Variants in ELOVL2 observed in about 807,000 individuals in gnomAD.
ELOVL2 encodes very long chain fatty acid elongase 2.
A neutral mutation model predicts 37.7 loss-of-function variants in ELOVL2; 38 were observed. The ratio of observed to expected loss-of-function variants is 1.01; its 90% CI spans 0.78 to 1.32. The LOEUF is 1.32. ELOVL2 is among the 40% of genes most tolerant of loss of function. The pLI, the probability that ELOVL2 is intolerant of heterozygous loss-of-function variation, is 0.00. For missense variants in ELOVL2, 352 were observed against 363.6 expected (o/e 0.97, Z 0.26); for synonymous variants, 115 against 122.3 (o/e 0.94, Z 0.40).
chr6:11,001,682 C>T (rs1191100779), intron 3 of ELOVL2, among the ~76,000 whole-genome samples: 1 of 152,128 alleles, frequency 6.6e-6, no homozygotes, highest in Non-Finnish European at 1.5e-5. Context: ...TAGATTTATC[C>T]GGGCTGTCCC....
intron 1 of ELOVL2, among the ~76,000 whole-genome samples, chr6:11,032,882 A>T (rs1461153855): frequency 6.6e-6 from 1 of 152,200 alleles, no homozygotes; most frequent in Non-Finnish European, 1.5e-5. Flanking sequence ...ATACTAACAT[A>T]TGGTATTCTA....
intron 1 of ELOVL2, among the ~76,000 whole-genome samples, chr6:11,033,061 TC>T (rs1302888978): frequency 6.6e-6 from 1 of 152,132 alleles, no homozygotes; most frequent in African/African-American, 2.4e-5. Flanking sequence ...CTTCGACCAG[TC>T]CCTTACACAG....
chr6:11,026,851 TAC>T (rs1251924843), intron 1 of ELOVL2, among the ~76,000 whole-genome samples: 1 of 148,698 alleles, frequency 6.7e-6, no homozygotes, highest in Non-Finnish European at 1.5e-5. Flanking sequence ...TAACTATCCT[TAC>T]ATAGAGATTT....
chr6:11,017,185 G>C (rs1782696870), intron 1 of ELOVL2, among the ~76,000 whole-genome samples: 1 of 152,102 alleles, frequency 6.6e-6, no homozygotes, highest in Non-Finnish European at 1.5e-5. Flanking sequence ...AGTAATACTG[G>C]TTACTGTTTA....
intron 3 of ELOVL2, among the ~76,000 whole-genome samples, chr6:11,004,679 A>G (rs930470659): frequency 1.3e-5 from 2 of 152,094 alleles, no homozygotes; most frequent in African/African-American, 4.8e-5. Context: ...AGTCAAACTA[A>G]CTGCATATGA....
At chr6:11,033,214 G>A (rs1782959524) in intron 1 of ELOVL2, among the ~76,000 whole-genome samples, 1 of 152,116 alleles carries the variant, frequency 6.6e-6, no homozygotes, top group Non-Finnish European at 1.5e-5. Flanking sequence ...CTATTTAAGT[G>A]TATTAAGTCT....
At chr6:10,993,278 G>A (rs1292827380) in intron 5 of ELOVL2, among the ~76,000 whole-genome samples, 2 of 152,092 alleles carry the variant, frequency 1.3e-5, no homozygotes, top group East Asian at 1.9e-4. Context: ...TAACAGACAC[G>A]GCTTTTAAAA....
Position 10,987,809 on chromosome 6 carries a change from C to T in ELOVL2, c.765+1894G>A, listed in dbSNP as rs199665313. 2.6e-5 allele frequency among the ~76,000 whole-genome samples: 4 copies of T among 151,804 alleles called. No individual in the cohort carries two copies. The East Asian group carries it at 7.7e-4, about 29-fold the overall frequency. ...TGCTGTTATTTTAAAATACCAATAC[C>T]TGGGATTCTGGCTTGATCTAGTTTT... On this transcript the variant is annotated intron_variant, in intron 7 of 7. Transcript: ENST00000354666.
chr6:10,984,110 C>T lies in ELOVL2; in HGVS notation c.766-204G>A, dbSNP rs574832921. ...CCCGTTCACTGCGACCTCCGCCTCCCGGGTTCAAGTGATTCTCCTGCCTCA... is the reference window on the plus strand; with the variant it reads ...CCCGTTCACTGCGACCTCCGCCTCCTGGGTTCAAGTGATTCTCCTGCCTCA... On this transcript the variant is annotated intron_variant, in intron 7 of 7. Coordinates refer to ENST00000354666, the MANE Select transcript of ELOVL2 (RefSeq NM_017770.4). Among the ~76,000 whole-genome samples, 13 of 152,244 alleles carry T rather than the reference C, an allele frequency of 8.5e-5. No homozygotes were observed. The East Asian group carries it at 1.7e-3, about 20-fold the overall frequency.
intron 1 of ELOVL2, among the ~76,000 whole-genome samples, chr6:11,012,511 T>G (rs1178791381): frequency 6.6e-6 from 1 of 152,250 alleles, no homozygotes; most frequent in African/African-American, 2.4e-5. Flanking sequence ...GAAGTCTTTC[T>G]TCCATTGCTG....
At chr6:11,040,194 C>G (rs955183486) in intron 1 of ELOVL2, among the ~76,000 whole-genome samples, 2 of 152,056 alleles carry the variant, frequency 1.3e-5, no homozygotes, top group African/African-American at 2.4e-5. Flanking sequence ...CAAAAGAGAA[C>G]AGAGAAGAGA....
chr6:11,030,649 G>A (rs1160284750), intron 1 of ELOVL2, among the ~76,000 whole-genome samples: 3 of 151,752 alleles, frequency 2.0e-5, no homozygotes, highest in Non-Finnish European at 4.4e-5. Context: ...CCGCCACCAC[G>A]CCCGGCTAAT....
intron 2 of ELOVL2, among the ~76,000 whole-genome samples, chr6:11,006,269 G>A (rs76863396): frequency 2.6e-5 from 4 of 152,308 alleles, no homozygotes; most frequent in East Asian, 3.9e-4. Flanking sequence ...GGGACTGGAC[G>A]TTTACACAGC....
rs1171564084 is a variant in ELOVL2, at chr6:10,982,942, G to A, written c.*839C>T. The A allele has an allele frequency of 6.6e-6, 1 of 152,232 alleles. No individual in the cohort carries two copies. The highest frequency in any genetic ancestry group is 2.4e-5 in the African/African-American group (1 of 41,446). The allele number at this position is 152,232 out of a possible 1,614,324, so 9.4% of individuals were successfully genotyped here. A position where few individuals can be genotyped will look rare whatever the true frequency, so the allele number is the denominator to read the frequency against. ...AAGAAAAAGGTCGGAGTGGACTCCA[G>A]TGCTTGCTCAGAAAGTAAACGGGCA... On this transcript the variant is annotated 3_prime_UTR_variant, in exon 8 of 8. Transcript: ENST00000354666.
intron 1 of ELOVL2, among the ~76,000 whole-genome samples, chr6:11,038,481 A>AAAAT (rs1225013449): frequency 5.9e-5 from 9 of 151,952 alleles, no homozygotes; most frequent in Middle Eastern, 3.2e-3. Context: ...CTCCAGCTCA[A>AAAAT]AAATAAATAA....
intron 1 of ELOVL2, among the ~76,000 whole-genome samples, chr6:11,013,868 C>CAAAA (rs57378623): frequency 1.5e-5 from 2 of 136,786 alleles, no homozygotes; most frequent in Admixed American, 7.3e-5. Flanking sequence ...CTCCACAAAG[C>CAAAA]AAAAAAAAAA....
At position 11,000,165 on chromosome 6, in the gene ELOVL2, C is replaced by A; in HGVS notation, c.256-1G>T. 1 of 1,613,906 alleles carries A rather than the reference C, an allele frequency of 6.2e-7. No homozygotes were observed. The highest frequency in any genetic ancestry group is 8.5e-7 in the Non-Finnish European group (1 of 1,179,822). On this transcript the variant is annotated splice_acceptor_variant, in intron 3 of 7. Coordinates refer to ENST00000354666, the MANE Select transcript of ELOVL2 (RefSeq NM_017770.4). LOFTEE classifies it high-confidence loss of function. ...CTCCTTCCCAAGTGGAGAGAATGAG[C>A]TGCCAAAGAACCAAGAAAGAAAGAA...
chr6:11,003,942 G>A lies in ELOVL2; in HGVS notation c.255+1430C>T, dbSNP rs182645280. On this transcript the variant is annotated intron_variant, in intron 3 of 7. Transcript: ENST00000354666. Reference sequence around the variant, plus strand: ...ACTAAAAAAAAAAAAAATTAGCCAGGATTGGTGGTGGGTGCCTGTAATCCC... The same window carrying A: ...ACTAAAAAAAAAAAAAATTAGCCAGAATTGGTGGTGGGTGCCTGTAATCCC... Among the ~76,000 whole-genome samples the A allele has an allele frequency of 3.0e-3, 451 of 152,132 alleles. 3 individuals carry two copies. The highest frequency in any genetic ancestry group is 0.021 in the South Asian group (100 of 4,820).
rs928812996 is a variant in ELOVL2, at chr6:10,984,764, T to C, written c.766-858A>G. ...TTTTCTTAATCCAGTCTATCATTGT[T>C]GGACATTTGGGTTGGTTCCAAGTCT... On this transcript the variant is annotated intron_variant, in intron 7 of 7. Coordinates refer to ENST00000354666, the MANE Select transcript of ELOVL2 (RefSeq NM_017770.4). 2.8e-3 allele frequency among the ~76,000 whole-genome samples: 430 copies of C among 152,020 alleles called. 1 individual carries two copies. Among genetic ancestry groups the C allele is most frequent in the Non-Finnish European group, 4.6e-3 (316 of 67,996 alleles).
Sources: allele counts gnomAD v4.1 joint callset (sites outside exome capture counted in the v4.1 genomes callset), GRCh38; gene constraint gnomAD v4.1.1; transcripts MANE v1.5; gene names NCBI Gene and HGNC (gene_info 2026-07-23, HGNC 2026-07-21).